The following LRRD1 variants were observed in gnomAD, a reference collection of about 807,000 sequenced individuals.
LRRD1 encodes the protein leucine-rich repeat and death domain-containing protein 1.
Under a neutral mutation model 69.5 loss-of-function variants are expected in LRRD1, and 49 were observed. The observed-to-expected ratio is 0.70, with a 90% CI of 0.56 to 0.89. LRRD1 has a LOEUF of 0.89. Ranked by LOEUF, LRRD1 falls within the 40% of genes least tolerant of loss-of-function variation. LRRD1 has a pLI of 0.00. For synonymous variants in LRRD1, 303 were observed against 338.9 expected, an observed-to-expected ratio of 0.89 and a Z score of 1.16; for missense variants, 853 against 956.0, an observed-to-expected ratio of 0.89 and a Z score of 1.42.
intron 1 of LRRD1, among the ~76,000 whole-genome samples, chr7:92,169,138 C>T (rs1003746077): frequency 6.6e-6 from 1 of 151,976 alleles, no homozygotes; most frequent in Non-Finnish European, 1.5e-5. Flanking sequence ...AGGCTGGTCT[C>T]GAACTCCTGG....
downstream of LRRD1, among the ~76,000 whole-genome samples, chr7:92,143,784 TG>T (rs1223695563): frequency 1.3e-5 from 2 of 152,090 alleles, no homozygotes; most frequent in Admixed American, 1.3e-4. Context: ...AGTGCAGCGG[TG>T]GGCTGAAGGG....
intron 1 of LRRD1, among the ~76,000 whole-genome samples, chr7:92,168,508 C>T (rs978378463): frequency 2.0e-5 from 3 of 152,158 alleles, no homozygotes; most frequent in Non-Finnish European, 4.4e-5. Flanking sequence ...GTCACCTGGA[C>T]ATGAACTCCT....
chr7:92,176,617 G>A (rs185702219), intron 1 of LRRD1, among the ~76,000 whole-genome samples: 54 of 150,568 alleles, frequency 3.6e-4, no homozygotes, highest in African/African-American at 1.3e-3. Context: ...AGACTGGAGT[G>A]CAGTGGTGCA....
At chr7:92,168,931 G>C (rs1383670574) in intron 1 of LRRD1, among the ~76,000 whole-genome samples, 3 of 151,980 alleles carry the variant, frequency 2.0e-5, no homozygotes, top group Non-Finnish European at 4.4e-5. Flanking sequence ...GTTTTGTTTT[G>C]TTTTTTTGAG....
At chr7:92,159,294 T>C in intron 2 of LRRD1, 91 bp from the exon 3 acceptor site, 1 of 945,518 alleles carries the variant, frequency 1.1e-6, no homozygotes, top group South Asian at 2.2e-5. Context: ...AAGAGTTTTG[T>C]CTGTTTTTGT....
At chr7:92,173,832 T>C (rs535840277) in intron 1 of LRRD1, among the ~76,000 whole-genome samples, 1 of 152,276 alleles carries the variant, frequency 6.6e-6, no homozygotes, top group East Asian at 1.9e-4. Flanking sequence ...TACTGGTATA[T>C]ATCCAAAATA....
At chr7:92,173,069 A>G (rs538110221) in intron 1 of LRRD1, among the ~76,000 whole-genome samples, 1 of 152,342 alleles carries the variant, frequency 6.6e-6, no homozygotes, top group South Asian at 2.1e-4. Context: ...ATTTTTGACA[A>G]TAGCACCAAG....
Position 92,158,406 on chromosome 7 carries a change from T to C in LRRD1, c.2116+599A>G, listed in dbSNP as rs369431825. Among the ~76,000 whole-genome samples, 5 of 152,190 alleles carry C rather than the reference T, an allele frequency of 3.3e-5. No homozygotes were observed. In the South Asian group the frequency reaches 1.0e-3, roughly 32 times the overall value. Reference sequence around the variant, plus strand: ...AGATAAATATATATGTGTATATATGTGTATATATGTATATATGTGTACATA... The same window carrying C: ...AGATAAATATATATGTGTATATATGCGTATATATGTATATATGTGTACATA... On this transcript the variant is annotated intron_variant, in intron 3 of 5. Coordinates refer to ENST00000458448, the MANE Select transcript of LRRD1 (RefSeq NM_001161528.2).
rs532912416 is a variant in LRRD1 at position 92,151,096 on chromosome 7, C to T, written c.2117-401G>A. ...CTAATGTTATCACATTATCATATTA[C>T]ATTTGTTTAATCTAAGAAACCAGTA... On this transcript the variant is annotated intron_variant, in intron 3 of 5. Coordinates refer to ENST00000458448, the MANE Select transcript of LRRD1 (RefSeq NM_001161528.2). Among the ~76,000 whole-genome samples the T allele has an allele frequency of 1.6e-4, 24 of 152,298 alleles. No homozygotes were observed. The South Asian group carries it at 4.6e-3, about 29-fold the overall frequency.
intron 1 of LRRD1, among the ~76,000 whole-genome samples, chr7:92,173,209 T>C (rs1041585999): frequency 6.6e-6 from 1 of 152,148 alleles, no homozygotes; most frequent in Non-Finnish European, 1.5e-5. Context: ...ATGGCTTACA[T>C]ACTTAAATCT....
intron 1 of LRRD1, among the ~76,000 whole-genome samples, chr7:92,177,433 A>G (rs2131031044): frequency 6.6e-6 from 1 of 152,272 alleles, no homozygotes; most frequent in East Asian, 1.9e-4. Context: ...TCTTCTTGAG[A>G]ACATATGGGG....
chr7:92,159,242 A>G lies in LRRD1; in HGVS notation c.1918-39T>C. ...TACACAATTATACATTTATAAATAC[A>G]TACATATTTGCATGACTAAAACTTC... On this transcript the variant is annotated intron_variant, in intron 2 of 5. Coordinates refer to ENST00000458448, the MANE Select transcript of LRRD1 (RefSeq NM_001161528.2). The G allele has an allele frequency of 4.9e-6, 6 of 1,225,656 alleles. No homozygotes were observed. The Admixed American group carries it at 2.3e-4, about 48-fold the overall frequency. 75.9% of individuals were successfully genotyped at this position (1,225,656 alleles called of 1,614,324 possible). A position where few individuals can be genotyped will look rare whatever the true frequency, so the allele number is the denominator to read the frequency against.
At chr7:92,167,254 C>T (rs1788932731) in intron 1 of LRRD1, among the ~76,000 whole-genome samples, 1 of 151,988 alleles carries the variant, frequency 6.6e-6, no homozygotes. Flanking sequence ...CGCCACCACA[C>T]CCAGCTAATT....
downstream of LRRD1, chr7:92,142,264 G>GT: frequency 5.4e-5 from 19 of 352,960 alleles, no homozygotes; most frequent in South Asian, 3.9e-4. Context: ...TTAACCACTT[G>GT]TATTAGGTCT....
Position 92,164,361 on chromosome 7 carries a change from G to A in LRRD1, c.842C>T (p.Thr281Ile), listed in dbSNP as rs78758705. Reference protein sequence around the residue: ...HIPDTLPSLKTLRVLNLEYNQ... With the variant: ...HIPDTLPSLKILRVLNLEYNQ... ...ATATTCCAAATTGAGAACCCTCAAG[G>A]TTTTTAAACTAGGCAGAGTATCTGG... Residue 281 changes from threonine (T) to isoleucine (I), a missense_variant, in exon 2 of 6, where the codon ACC (threonine) becomes ATC (isoleucine). This residue lies in a region of LRRD1 where 739 missense variants were observed against 808.0 expected (regional missense o/e 0.91). Coordinates refer to ENST00000458448, the MANE Select transcript of LRRD1 (RefSeq NM_001161528.2). 1,292 of 1,549,454 alleles carry A rather than the reference G, an allele frequency of 8.3e-4. 27 individuals are homozygous for A. The East Asian group carries it at 0.029, about 34-fold the overall frequency.
Position 92,163,282 on chromosome 7 carries a change from T to G in LRRD1, c.1917+4A>C, listed in dbSNP as rs1350790557. The stretch of plus-strand genomic sequence containing the variant: ...CCACAAAGCCCACAATACCAGTCTC[T>G]TACCTTTCTCCCTTTTATCTGACTT... On this transcript the variant is annotated splice_donor_region_variant and intron_variant, in intron 2 of 5. Coordinates refer to ENST00000458448, the MANE Select transcript of LRRD1 (RefSeq NM_001161528.2). The G allele has an allele frequency of 6.9e-7, 1 of 1,448,044 alleles. No individual in the cohort carries two copies. Among genetic ancestry groups the G allele is most frequent in the East Asian group, 2.5e-5 (1 of 39,984 alleles). The allele number at this position is 1,448,044 out of a possible 1,614,324, so 89.7% of individuals were successfully genotyped here.
chr7:92,142,274 T>C (rs1820172269), downstream of LRRD1: 1 of 357,460 alleles, frequency 2.8e-6, no homozygotes, highest in Admixed American at 3.8e-5. Flanking sequence ...GTATTAGGTC[T>C]CTTTCCATTC....
intron 1 of LRRD1, among the ~76,000 whole-genome samples, chr7:92,170,223 T>G (rs918364658): frequency 1.3e-5 from 2 of 151,600 alleles, no homozygotes; most frequent in African/African-American, 4.8e-5. Flanking sequence ...TAAAAAGCAA[T>G]GAAGATCACC....
intron 2 of LRRD1, among the ~76,000 whole-genome samples, chr7:92,160,439 G>T (rs1336489435): frequency 1.3e-5 from 2 of 152,288 alleles, no homozygotes; most frequent in African/African-American, 4.8e-5. Context: ...AATAACTGAT[G>T]AATGAAAGTT....
Sources: allele counts gnomAD v4.1 joint callset (sites outside exome capture counted in the v4.1 genomes callset), GRCh38; gene constraint gnomAD v4.1.1; regional missense constraint gnomAD v4.1.1; transcripts MANE v1.5; gene names NCBI Gene and HGNC (gene_info 2026-07-23, HGNC 2026-07-21).